The following NUDCD1 variants were observed in gnomAD, a reference collection of about 807,000 sequenced individuals.
NUDCD1 encodes NudC domain containing 1.
A neutral mutation model predicts 67.8 loss-of-function variants in NUDCD1; 60 were observed. The ratio of observed to expected loss-of-function variants is 0.88; its 90% CI spans 0.72 to 1.10. NUDCD1 has a LOEUF of 1.10. NUDCD1 is among the 50% of genes least tolerant of loss of function. The probability of loss-of-function intolerance (pLI) is 0.00; values close to 1 mark genes in which losing one functional copy is unlikely to be tolerated. For missense variants in NUDCD1, 643 were observed against 695.0 expected, an observed-to-expected ratio of 0.93 and a Z score of 0.84; for synonymous variants, 244 against 230.8, an observed-to-expected ratio of 1.06 and a Z score of -0.52.
In NUDCD1 at chr8:109,243,304, G is replaced by GC; in HGVS notation, c.1460-4dup. On this transcript the variant is annotated splice_polypyrimidine_tract_variant and splice_region_variant and intron_variant, in intron 9 of 9. Transcript: ENST00000239690. ...TCTCTTTGATGCTTGGACATAGCCTGCCAAGAATATGAGACAAACAAAAGA... is the reference window on the plus strand; with the variant it reads ...TCTCTTTGATGCTTGGACATAGCCTGCCCAAGAATATGAGACAAACAAAAGA... 6 of 1,561,922 alleles carry GC rather than the reference G, an allele frequency of 3.8e-6. No homozygotes were observed. Among genetic ancestry groups the GC allele is most frequent in the Non-Finnish European group, 5.2e-6 (6 of 1,148,686 alleles).
At chr8:109,328,497 G>T (rs1815730333) in intron 1 of NUDCD1, among the ~76,000 whole-genome samples, 1 of 152,166 alleles carries the variant, frequency 6.6e-6, no homozygotes, top group South Asian at 2.1e-4. Flanking sequence ...AATGGCATGT[G>T]TTTGAGGAGA....
At chr8:109,265,160 T>C (rs972187965) in intron 8 of NUDCD1, among the ~76,000 whole-genome samples, 6 of 152,092 alleles carry the variant, frequency 3.9e-5, no homozygotes, top group Admixed American at 3.9e-4. Context: ...ACATTAATTT[T>C]AATTACAAAT....
At chr8:109,280,642 A>C (rs924230716) in intron 6 of NUDCD1, among the ~76,000 whole-genome samples, 2 of 152,198 alleles carry the variant, frequency 1.3e-5, no homozygotes, top group Non-Finnish European at 2.9e-5. Context: ...AAGCCAGCAA[A>C]CTAAAGTTAA....
intron 9 of NUDCD1, among the ~76,000 whole-genome samples, chr8:109,243,738 C>T (rs1265047628): frequency 6.6e-6 from 1 of 152,074 alleles, no homozygotes; most frequent in Non-Finnish European, 1.5e-5. Flanking sequence ...AGGATACCAT[C>T]ATAAAGTTAT....
chr8:109,285,521 T>C (rs1318091679), intron 5 of NUDCD1, among the ~76,000 whole-genome samples: 1 of 152,164 alleles, frequency 6.6e-6, no homozygotes, highest in Non-Finnish European at 1.5e-5. Context: ...TGCAAATCAA[T>C]AAATGTGATT....
chr8:109,304,561 G>A (rs935075351), intron 2 of NUDCD1, among the ~76,000 whole-genome samples: 5 of 152,102 alleles, frequency 3.3e-5, no homozygotes, highest in East Asian at 1.9e-4. Flanking sequence ...GGCACTACGC[G>A]TCAATATTTA....
chr8:109,295,689 G>C (rs894129940), intron 3 of NUDCD1, among the ~76,000 whole-genome samples: 1 of 151,970 alleles, frequency 6.6e-6, no homozygotes, highest in African/African-American at 2.4e-5. Context: ...CAGAACTAAA[G>C]GCTACCTACA....
At chr8:109,257,476 T>C (rs912365410) in intron 8 of NUDCD1, among the ~76,000 whole-genome samples, 2 of 152,112 alleles carry the variant, frequency 1.3e-5, no homozygotes, top group African/African-American at 4.8e-5. Flanking sequence ...AGACAATGTT[T>C]ATGGATCAGA....
Position 109,289,828 on chromosome 8 carries a change from T to G in NUDCD1, c.746A>C (p.Tyr249Ser). The G allele has an allele frequency of 6.4e-7, 1 of 1,564,536 alleles. No homozygotes were observed. The highest frequency in any genetic ancestry group is 1.4e-5 in the African/African-American group (1 of 72,614). ...PDGNGLMIVS[Y>S]KSLTFVQAGQ... Reference sequence around the variant, plus strand: ...AGCCTGAACAAATGTTAAAGACTTGTAGGATACAATCATTAGACCATTTCC... The same window carrying G: ...AGCCTGAACAAATGTTAAAGACTTGGAGGATACAATCATTAGACCATTTCC... Residue 249 changes from tyrosine to serine, a missense_variant, in exon 5 of 10, where the codon TAC becomes TCC. Tyr to Ser is a moderately radical substitution (Grantham distance 144). Coordinates refer to ENST00000239690, the MANE Select transcript of NUDCD1 (RefSeq NM_032869.4).
Position 109,275,333 on chromosome 8 carries a change from TA to T in NUDCD1, c.1173+18del. On this transcript the variant is annotated intron_variant, in intron 7 of 9. Coordinates refer to ENST00000239690, the MANE Select transcript of NUDCD1 (RefSeq NM_032869.4). ...TTTTTGGACCCTTGGAAAGTCACAC[TA>T]CTATTCCAACTACTTACCAGTTCTT... 1 of 1,609,332 alleles carries T rather than the reference TA, an allele frequency of 6.2e-7. No individual in the cohort carries two copies.
intron 3 of NUDCD1, among the ~76,000 whole-genome samples, chr8:109,294,469 A>G (rs1814791597): frequency 6.7e-6 from 1 of 149,204 alleles, no homozygotes; most frequent in African/African-American, 2.6e-5. Context: ...ATGACAGATG[A>G]AGGCAGGTTT....
chr8:109,303,026 C>A (rs1345411914), intron 2 of NUDCD1, among the ~76,000 whole-genome samples: 1 of 152,230 alleles, frequency 6.6e-6, no homozygotes, highest in African/African-American at 2.4e-5. Context: ...CTTCAAAAAG[C>A]CTAAACTGCA....
At chr8:109,250,830 A>G (rs1318873205) in intron 8 of NUDCD1, among the ~76,000 whole-genome samples, 1 of 152,196 alleles carries the variant, frequency 6.6e-6, no homozygotes, top group Non-Finnish European at 1.5e-5. Flanking sequence ...ACTTGGTCAT[A>G]ATGTAATTTT....
chr8:109,265,500 T>G (rs183964513), intron 8 of NUDCD1, among the ~76,000 whole-genome samples: 1 of 152,354 alleles, frequency 6.6e-6, no homozygotes, highest in African/African-American at 2.4e-5. Flanking sequence ...CACTTGCCTT[T>G]CCTACTTCCT....
At chr8:109,255,654 T>A (rs2129895181) in intron 8 of NUDCD1, among the ~76,000 whole-genome samples, 2 of 126,258 alleles carry the variant, frequency 1.6e-5, no homozygotes, top group Non-Finnish European at 1.7e-5. Context: ...CAGATACATA[T>A]CAGAAAATAG....
intron 2 of NUDCD1, chr8:109,315,166 C>T (rs1459490863): frequency 6.9e-6 from 1 of 144,732 alleles, no homozygotes; most frequent in Non-Finnish European, 1.5e-5. Context: ...CACAGTTCTA[C>T]GTATTTACCC....
intron 2 of NUDCD1, among the ~76,000 whole-genome samples, chr8:109,318,925 T>G (rs1164169805): frequency 2.6e-5 from 4 of 151,646 alleles, no homozygotes; most frequent in Non-Finnish European, 4.4e-5. Flanking sequence ...GGTGGCAAAC[T>G]ATAGTCCACA....
intron 8 of NUDCD1, among the ~76,000 whole-genome samples, chr8:109,265,639 C>T (rs1813976483): frequency 6.6e-6 from 1 of 152,104 alleles, no homozygotes; most frequent in South Asian, 2.1e-4. Flanking sequence ...CCAGTGGTCC[C>T]CAACTTTTTT....
At chr8:109,296,086 A>G (rs542422511) in intron 3 of NUDCD1, among the ~76,000 whole-genome samples, 3 of 152,264 alleles carry the variant, frequency 2.0e-5, no homozygotes, top group Non-Finnish European at 2.9e-5. Flanking sequence ...CTTCTTCAAG[A>G]AGGAGGAGGC....
Sources: gnomAD v4.1 joint callset for allele counts (sites outside exome capture counted in the v4.1 genomes callset) on GRCh38, gnomAD v4.1.1 for gene constraint, MANE v1.5 for transcripts, NCBI Gene and HGNC (gene_info 2026-07-23, HGNC 2026-07-21) for gene names.